The following KLHL13 variants were observed in gnomAD, a reference collection of about 807,000 sequenced individuals.
The protein encoded by KLHL13 is kelch like family member 13, also known as kelch-like protein 13.
In KLHL13, 10 loss-of-function variants were observed where a neutral mutation model predicts 37.1. The observed-to-expected ratio is 0.27, with a 90% CI of 0.17 to 0.46. KLHL13 has a LOEUF of 0.46. KLHL13 is among the 20% of genes least tolerant of loss of function. The pLI is 1.00. For synonymous variants in KLHL13, 163 were observed against 181.2 expected, an observed-to-expected ratio of 0.90 and a Z score of 0.81; for missense variants, 360 against 509.3, an observed-to-expected ratio of 0.71 and a Z score of 2.82.
intron 1 of KLHL13, among the ~76,000 whole-genome samples, chrX:118,085,238 C>T (rs962962452): frequency 1.7e-4 from 19 of 110,646 alleles, no homozygotes; most frequent in Admixed American, 5.8e-4. Context: ...ATAACTAAGA[C>T]GAACATTGAA....
intron 5 of KLHL13, among the ~76,000 whole-genome samples, chrX:117,903,939 C>G (rs1404501582): frequency 9.0e-6 from 1 of 110,915 alleles, no homozygotes; most frequent in African/African-American, 3.3e-5. Context: ...TCTTCTTATT[C>G]TTTTTATAGT....
chrX:117,909,650 G>C (rs1337346075), exon 5 of KLHL13: 2 of 1,209,644 alleles, frequency 1.7e-6, no homozygotes, highest in Non-Finnish European at 2.2e-6. Flanking sequence ...CCAAGTGAGT[G>C]GTGTCAGACC....
intron 1 of KLHL13, among the ~76,000 whole-genome samples, chrX:117,969,111 T>C (rs2053482112): frequency 8.9e-6 from 1 of 111,905 alleles, no homozygotes; most frequent in African/African-American, 3.2e-5. Context: ...TCTTTTAGAT[T>C]GAGAAAGGTA....
chrX:117,972,792 A>G lies in KLHL13; in HGVS notation c.37T>C (p.Trp13Arg), dbSNP rs775476681. The change falls in exon 1 of 7, where the codon TGG (tryptophan) becomes CGG (arginine). Residue 13 changes from tryptophan (W) to arginine (R), a missense_variant. This residue lies in a region of KLHL13 where 194 missense variants were observed against 225.0 expected (regional missense o/e 0.86). Transcript: ENST00000262820. ...TTAAGCACAGGAACTGGGAATTTCC[A>G]GATAGCAGGAGAGCTCGTTTTCCAT... 6.6e-6 allele frequency: 8 copies of G among 1,211,648 alleles called. No homozygotes were observed. The Admixed American group carries it at 8.7e-5, about 13-fold the overall frequency.
chrX:118,066,597 T>C (rs2054796398), intron 1 of KLHL13, among the ~76,000 whole-genome samples: 1 of 111,530 alleles, frequency 9.0e-6, no homozygotes, highest in Admixed American at 9.6e-5. Context: ...AAAGATCTTG[T>C]AGCTATGAAA....
intron 4 of KLHL13, among the ~76,000 whole-genome samples, chrX:117,915,677 A>G (rs185443494): frequency 7.1e-5 from 8 of 112,312 alleles, no homozygotes; most frequent in African/African-American, 2.6e-4. Flanking sequence ...ATATATTTGT[A>G]TATTTAAATT....
At chrX:118,064,656 A>G (rs1362996490) in intron 1 of KLHL13, among the ~76,000 whole-genome samples, 1 of 111,817 alleles carries the variant, frequency 8.9e-6, no homozygotes, top group Non-Finnish European at 1.9e-5. Flanking sequence ...GTATAGTCCT[A>G]CTTATAGCCT....
At chrX:118,072,177 A>T (rs1386273407) in intron 1 of KLHL13, among the ~76,000 whole-genome samples, 6 of 110,206 alleles carry the variant, frequency 5.4e-5, no homozygotes, top group Admixed American at 2.9e-4. Flanking sequence ...ATAACGCCGC[A>T]TATCTACAAC....
chrX:117,995,315 A>G (rs1204097304), intron 1 of KLHL13, among the ~76,000 whole-genome samples: 1 of 112,450 alleles, frequency 8.9e-6, no homozygotes, highest in Non-Finnish European at 1.9e-5. Context: ...AGAAATGCTT[A>G]TGCACAACCT....
Position 118,108,235 on chromosome X carries a change from A to G in KLHL13, c.-56+8273T>C, listed in dbSNP as rs1248451396. On this transcript the variant is annotated intron_variant, in intron 1 of 6. Transcript: ENST00000371882. ...TAAAAGCACTTCACCTGTAGACGAT[A>G]AAGACCATCCACTAATCACAATCCT... 5.3e-5 allele frequency among the ~76,000 whole-genome samples: 6 copies of G among 112,209 alleles called. No individual in the cohort carries two copies. In the East Asian group the frequency reaches 1.7e-3, roughly 31 times the overall value.
intron 1 of KLHL13, among the ~76,000 whole-genome samples, chrX:118,026,377 T>C (rs1282399288): frequency 8.9e-6 from 1 of 111,820 alleles, no homozygotes; most frequent in Non-Finnish European, 1.9e-5. Context: ...AATAAACTCA[T>C]AGTAATGTGT....
At chrX:118,102,944 T>A (rs145057555) in intron 1 of KLHL13, among the ~76,000 whole-genome samples, 1 of 112,107 alleles carries the variant, frequency 8.9e-6, no homozygotes, top group Non-Finnish European at 1.9e-5. Flanking sequence ...AAATCCTCTC[T>A]CCTAAATTAT....
chrX:117,964,757 T>G (rs1445768676), intron 1 of KLHL13, among the ~76,000 whole-genome samples: 2 of 110,564 alleles, frequency 1.8e-5, no homozygotes, highest in African/African-American at 6.6e-5. Context: ...CCCATAACAG[T>G]CCCCAGAGTG....
chrX:117,906,090 A>C (rs1325408374), intron 5 of KLHL13, among the ~76,000 whole-genome samples: 1 of 111,620 alleles, frequency 9.0e-6, no homozygotes, highest in Non-Finnish European at 1.9e-5. Context: ...TTACATAGGC[A>C]TATGAATGTC....
chrX:118,084,948 G>A (rs1360404035), intron 1 of KLHL13, among the ~76,000 whole-genome samples: 1 of 109,759 alleles, frequency 9.1e-6, no homozygotes, highest in Non-Finnish European at 1.9e-5. Flanking sequence ...ACTTGTACCT[G>A]GGAAGCAGAG....
At chrX:118,071,331 C>T (rs1244283638) in intron 1 of KLHL13, among the ~76,000 whole-genome samples, 2 of 111,423 alleles carry the variant, frequency 1.8e-5, no homozygotes, top group Non-Finnish European at 3.8e-5. Context: ...GGAATCGCCA[C>T]ACTGACTTCC....
chrX:118,009,377 G>GT (rs1407815136), intron 1 of KLHL13, among the ~76,000 whole-genome samples: 1 of 43,307 alleles, frequency 2.3e-5, no homozygotes, highest in East Asian at 7.1e-4. Flanking sequence ...GGTTTTTATG[G>GT]TTTTAGGTCT....
chrX:117,981,117 TA>T (rs1332050534), intron 1 of KLHL13, among the ~76,000 whole-genome samples: 2 of 112,299 alleles, frequency 1.8e-5, no homozygotes, highest in East Asian at 5.5e-4. Context: ...GTCTAAATTG[TA>T]GACTCTAGCT....
At chrX:117,902,927 A>C (rs1156398711) in intron 5 of KLHL13, among the ~76,000 whole-genome samples, 1 of 110,893 alleles carries the variant, frequency 9.0e-6, no homozygotes, top group African/African-American at 3.3e-5. Flanking sequence ...GCTAAAAACG[A>C]AATTTAATTT....
Sources: allele counts gnomAD v4.1 joint callset (sites outside exome capture counted in the v4.1 genomes callset), GRCh38; gene constraint gnomAD v4.1.1; regional missense constraint gnomAD v4.1.1; transcripts MANE v1.5; gene names NCBI Gene and HGNC (gene_info 2026-07-23, HGNC 2026-07-21).